Variants in SYNGR4 observed in about 807,000 individuals in gnomAD.
The protein encoded by SYNGR4 is synaptogyrin 4.
In SYNGR4, 15 loss-of-function variants were observed where a neutral mutation model predicts 15.5. The ratio of observed to expected loss-of-function variants is 0.97; its 90% CI spans 0.65 to 1.49. The LOEUF is 1.49. Ranked by LOEUF, SYNGR4 falls within the 40% of genes most tolerant of loss-of-function variation. The pLI, the probability that SYNGR4 is intolerant of heterozygous loss-of-function variation, is 0.00. For synonymous variants in SYNGR4, 121 were observed against 127.4 expected (o/e 0.95, Z 0.34); for missense variants, 292 against 299.3 (o/e 0.98, Z 0.18).
chr19:48,368,465 A>G (rs1326929721), intron 2 of SYNGR4, among the ~76,000 whole-genome samples: 1 of 151,596 alleles, frequency 6.6e-6, no homozygotes, highest in Non-Finnish European at 1.5e-5. Flanking sequence ...AGCTCACTGC[A>G]ACTTTCGCCT....
In SYNGR4 at chr19:48,373,644, TCCTGGCCTTCCTCAGCTG is replaced by T. The variant is rs769552866; in HGVS notation, c.235_252del (p.Ser79_Leu84del). On this transcript the variant is annotated inframe_deletion, in exon 3 of 5. Transcript: ENST00000344846. Reference sequence around the variant, plus strand: ...TGCAGCTTTGCCGTGGGAGCCGGCTTCCTGGCCTTCCTCAGCTGCCTGGCCTTCCTCGTCCTGGACACA... The same window carrying T: ...TGCAGCTTTGCCGTGGGAGCCGGCTTCCTGGCCTTCCTCGTCCTGGACACA... 2.7e-5 allele frequency: 44 copies of T among 1,613,854 alleles called. No homozygotes were observed. In the South Asian group the frequency reaches 3.7e-4, roughly 14 times the overall value.
chr19:48,375,416 A>T (rs368285835), intron 3 of SYNGR4, among the ~76,000 whole-genome samples, 197 bp from the exon 4 acceptor site: 1 of 152,152 alleles, frequency 6.6e-6, no homozygotes, highest in South Asian at 2.1e-4. Context: ...CCAGCAGCTC[A>T]CTTTAGGGAA....
intron 2 of SYNGR4, chr19:48,373,080 G>A (rs928114955): frequency 5.6e-6 from 1 of 179,808 alleles, no homozygotes; most frequent in Non-Finnish European, 1.2e-5. Flanking sequence ...GGGAGGCAGG[G>A]GTGAGTGAGG....
At chr19:48,375,454 T>C (rs1411679642) in intron 3 of SYNGR4, among the ~76,000 whole-genome samples, 159 bp from the exon 4 acceptor site, 1 of 152,136 alleles carries the variant, frequency 6.6e-6, no homozygotes, top group Non-Finnish European at 1.5e-5. Context: ...GAATGACTTG[T>C]GGGAGATGTG....
In SYNGR4 at chr19:48,365,949, A is replaced by G. The variant is rs563194533; in HGVS notation, c.93+14A>G. 10 of 1,612,532 alleles carry G rather than the reference A, an allele frequency of 6.2e-6. No homozygotes were observed. The African/African-American group carries it at 8.0e-5, about 13-fold the overall frequency. ...GTCTTCGAAGGGGTGAGGCCCTCCCATGGCCCGACTGTGCCCCTGGGTGAC... is the reference window on the plus strand; with the variant it reads ...GTCTTCGAAGGGGTGAGGCCCTCCCGTGGCCCGACTGTGCCCCTGGGTGAC... On this transcript the variant is annotated intron_variant, in intron 2 of 4. Coordinates refer to ENST00000344846, the MANE Select transcript of SYNGR4 (RefSeq NM_012451.4).
rs752176826 is a variant in SYNGR4 at position 48,373,774 on chromosome 19, A to G, written c.331+20A>G. On this transcript the variant is annotated intron_variant, in intron 3 of 4. Transcript: ENST00000344846. The stretch of plus-strand genomic sequence containing the variant: ...TGGCTGGTGAGCCCCCAGGACCCCC[A>G]ACCCAGAGCTGCCCCTCCTCCCGCT... The G allele has an allele frequency of 1.9e-6, 3 of 1,610,074 alleles. No individual in the cohort carries two copies.
intron 2 of SYNGR4, 83 bp downstream of exon 2, chr19:48,366,018 G>A (rs1347295680): frequency 7.0e-7 from 1 of 1,426,192 alleles, no homozygotes. Context: ...GCGGGAGATG[G>A]GAGGACAAGG....
chr19:48,365,422 C>T (rs2140627), intron 1 of SYNGR4, among the ~76,000 whole-genome samples: 14,006 of 71,702 alleles, frequency 0.2, 1,720 homozygotes, highest in East Asian at 0.4. Flanking sequence ...CCACACAACC[C>T]CATTCCTGGG....
chr19:48,369,615 C>T (rs1197666904), intron 2 of SYNGR4, among the ~76,000 whole-genome samples: 1 of 152,174 alleles, frequency 6.6e-6, no homozygotes, highest in Non-Finnish European at 1.5e-5. Context: ...GTGATTTGCC[C>T]CAGGCCATAC....
Position 48,373,587 on chromosome 19 carries a change from T to C in SYNGR4, c.164T>C (p.Leu55Pro). 6.2e-7 allele frequency: 1 copy of C among 1,613,852 alleles called. No homozygotes were observed. Among genetic ancestry groups the C allele is most frequent in the Non-Finnish European group, 8.5e-7 (1 of 1,180,026 alleles). ...GYQNKMESPQ[L>P]HCILNSNSVA... ...CAGAACAAGATGGAGTCTCCGCAGC[T>C]CCACTGCATTCTCAACAGCAACAGC... Residue 55 changes from leucine to proline, a missense_variant, in exon 3 of 5, where the codon CTC becomes CCC. Transcript: ENST00000344846.
In SYNGR4 at chr19:48,364,479, C is replaced by T. The variant is rs1048801833; in HGVS notation, c.-166C>T. The T allele has an allele frequency of 1.9e-5, 3 of 154,682 alleles. No homozygotes were observed. The highest frequency in any genetic ancestry group is 3.9e-4 in the East Asian group (2 of 5,184). The allele number at this position is 154,682 out of a possible 1,614,324, so 9.6% of individuals were successfully genotyped here. On this transcript the variant is annotated 5_prime_UTR_variant, in exon 1 of 5. Transcript: ENST00000344846. ...GCGGCCCCTTCTCAGGTGCCGTCACCCCCAAACCTCAGCACTGCCATTCCA... is the reference window on the plus strand; with the variant it reads ...GCGGCCCCTTCTCAGGTGCCGTCACTCCCAAACCTCAGCACTGCCATTCCA...
At chr19:48,368,795 G>T in intron 2 of SYNGR4, among the ~76,000 whole-genome samples, 1 of 152,206 alleles carries the variant, frequency 6.6e-6, no homozygotes, top group Non-Finnish European at 1.5e-5. Context: ...CTTGAAAACC[G>T]CATCCCAGCA....
At chr19:48,372,423 A>T (rs1569046020) in intron 2 of SYNGR4, among the ~76,000 whole-genome samples, 1 of 151,956 alleles carries the variant, frequency 6.6e-6, no homozygotes, top group Non-Finnish European at 1.5e-5. Flanking sequence ...AGGCAGGCGG[A>T]TCACGAGGTC....
Position 48,365,940 on chromosome 19 carries a change from GGCCCTCCCATGGCCCGACTGT to G in SYNGR4, c.93+10_93+30del, listed in dbSNP as rs1970212989. 1.9e-6 allele frequency: 3 copies of G among 1,613,072 alleles called. No individual in the cohort carries two copies. Among genetic ancestry groups the G allele is most frequent in the Non-Finnish European group, 2.5e-6 (3 of 1,179,880 alleles). On this transcript the variant is annotated splice_donor_region_variant and intron_variant, in intron 2 of 4. Transcript: ENST00000344846. Reference sequence around the variant, plus strand: ...ATCACGCGGGTCTTCGAAGGGGTGAGGCCCTCCCATGGCCCGACTGTGCCCCTGGGTGACAGGAGCCAGGAG... The same window carrying G: ...ATCACGCGGGTCTTCGAAGGGGTGAGGCCCCTGGGTGACAGGAGCCAGGAG...
intron 2 of SYNGR4, among the ~76,000 whole-genome samples, chr19:48,371,959 A>G (rs1340852298): frequency 2.7e-5 from 4 of 149,144 alleles, no homozygotes; most frequent in Non-Finnish European, 5.9e-5. Flanking sequence ...GGCTCACTGC[A>G]GCCTCAACCT....
At chr19:48,368,599 T>C (rs151258563) in intron 2 of SYNGR4, among the ~76,000 whole-genome samples, 3,369 of 152,192 alleles carry the variant, frequency 0.022, 122 homozygotes, top group African/African-American at 0.077. Context: ...AGACTGGTCT[T>C]AAACTCCTGA....
rs762683557 is a variant in SYNGR4, at chr19:48,375,797, C to G, written c.471+45C>G. 3.8e-6 allele frequency: 6 copies of G among 1,593,876 alleles called. No individual in the cohort carries two copies. In the African/African-American group the frequency reaches 4.0e-5, roughly 11 times the overall value. On this transcript the variant is annotated intron_variant, in intron 4 of 4. Coordinates refer to ENST00000344846, the MANE Select transcript of SYNGR4 (RefSeq NM_012451.4). Reference sequence around the variant, plus strand: ...CCACCCCTCCCTAGGAGGGCACCCTCTGCAGGGTGGGGTTGAAAGGGCTAG... The same window carrying G: ...CCACCCCTCCCTAGGAGGGCACCCTGTGCAGGGTGGGGTTGAAAGGGCTAG...
rs1970353901 is a variant in SYNGR4, at chr19:48,373,817, C to T, written c.331+63C>T. ...CTCCCGCTCACAGCCCTCCTGGCTC[C>T]CCAGGGCCTCCCGGGCACAACCCTT... On this transcript the variant is annotated intron_variant, in intron 3 of 4. Coordinates refer to ENST00000344846, the MANE Select transcript of SYNGR4 (RefSeq NM_012451.4). 2.7e-5 allele frequency: 42 copies of T among 1,535,746 alleles called. No individual in the cohort carries two copies. In the South Asian group the frequency reaches 4.3e-4, roughly 16 times the overall value.
chr19:48,365,104 C>A lies in SYNGR4; in HGVS notation c.-108+567C>A, dbSNP rs1970173892. Reference sequence around the variant, plus strand: ...CCTCCATAGACCCCCTTAACCCACACCTCAACCCAGGGGACCCTTAGCGAC... The same window carrying A: ...CCTCCATAGACCCCCTTAACCCACAACTCAACCCAGGGGACCCTTAGCGAC... On this transcript the variant is annotated intron_variant, in intron 1 of 4. Coordinates refer to ENST00000344846, the MANE Select transcript of SYNGR4 (RefSeq NM_012451.4). Among the ~76,000 whole-genome samples the A allele has an allele frequency of 2.0e-5, 3 of 151,044 alleles. No individual in the cohort carries two copies. In the South Asian group the frequency reaches 6.3e-4, roughly 32 times the overall value.
Sources: gnomAD v4.1 joint callset for allele counts (sites outside exome capture counted in the v4.1 genomes callset) on GRCh38, gnomAD v4.1.1 for gene constraint, MANE v1.5 for transcripts, NCBI Gene and HGNC (gene_info 2026-07-23, HGNC 2026-07-21) for gene names.